The following SVIL variants were observed in gnomAD, a reference collection of about 807,000 sequenced individuals.
SVIL encodes the protein archvillin.
Under a neutral mutation model 240.4 loss-of-function variants are expected in SVIL, and 101 were observed. The observed-to-expected ratio is 0.42, with a 90% confidence interval of 0.36 to 0.50. The LOEUF (loss-of-function observed/expected upper bound fraction) is 0.50, where lower values mean the gene tolerates loss of function less well. Among genes scored for constraint, SVIL ranks in the 20% least tolerant of loss-of-function variants. The pLI, the probability that SVIL is intolerant of heterozygous loss-of-function variation, is 0.01. For missense variants in SVIL, 2,512 were observed against 2,818.7 expected, an observed-to-expected ratio of 0.89 and a Z score of 2.46; for synonymous variants, 999 against 1,100.0, an observed-to-expected ratio of 0.91 and a Z score of 1.82.
At chr10:29,619,155 T>G (rs977790490) in intron 1 of SVIL, among the ~76,000 whole-genome samples, 15 of 152,202 alleles carry the variant, frequency 9.9e-5, no homozygotes, top group African/African-American at 2.7e-4. Flanking sequence ...GAAGTCATTA[T>G]GCGCAAAAAA....
chr10:29,729,834 A>C (rs894899966), intron 1 of SVIL, among the ~76,000 whole-genome samples: 12 of 35,402 alleles, frequency 3.4e-4, no homozygotes, highest in African/African-American at 1.4e-3. Flanking sequence ...ACTCCATCTC[A>C]AAAAAAAAAA....
At chr10:29,508,946 G>T (rs1275637598) in intron 17 of SVIL, among the ~76,000 whole-genome samples, 2 of 152,234 alleles carry the variant, frequency 1.3e-5, no homozygotes. Context: ...CGAATAAACC[G>T]AAATAGGGAT....
At chr10:29,480,489 G>T (rs1946712321) in intron 29 of SVIL, 48 bp downstream of exon 29, 1 of 1,597,546 alleles carries the variant, frequency 6.3e-7, no homozygotes, top group Non-Finnish European at 8.5e-7. Flanking sequence ...CCGCAGGGCT[G>T]CCGGGCCAGC....
intron 1 of SVIL, among the ~76,000 whole-genome samples, chr10:29,690,067 T>C (rs1961386457): frequency 6.6e-6 from 1 of 152,206 alleles, no homozygotes; most frequent in Non-Finnish European, 1.5e-5. Flanking sequence ...CAGAGGAAAA[T>C]GACCAAGACC....
chr10:29,565,463 T>C (rs972784523), intron 2 of SVIL, among the ~76,000 whole-genome samples: 43 of 152,314 alleles, frequency 2.8e-4, no homozygotes, highest in African/African-American at 9.6e-4. Context: ...GTGGTTCACT[T>C]GACATGCTGT....
rs1334399654 is a variant in SVIL, at chr10:29,533,242, G to A, written c.1125C>T (p.His375=). The stretch of plus-strand genomic sequence containing the variant: ...TTTCTGGCGTCACTAGCTTGGCGGT[G>A]TGACCGGTATCTGCGGGTTGGACAT... ...RGYVQPADTG[H]TAKLVTPETP... Residue 375 remains histidine (H), a synonymous_variant, in exon 8 of 38, where the codon CAC becomes CAT. Coordinates refer to ENST00000355867, the MANE Select transcript of SVIL (RefSeq NM_021738.3). 7 of 1,614,140 alleles carry A rather than the reference G, an allele frequency of 4.3e-6. No individual in the cohort carries two copies. The highest frequency in any genetic ancestry group is 5.9e-6 in the Non-Finnish European group (7 of 1,180,030).
chr10:29,651,288 T>C lies in SVIL; in HGVS notation c.-201+6681A>G, dbSNP rs187115203. On this transcript the variant is annotated intron_variant, in intron 3 of 35. Transcript: ENST00000375400. ...AGCAGGTAAAGATCCAAGAGCAATT[T>C]TTCATCAGAATCTGGTGACAGCAAC... 3.0e-3 allele frequency among the ~76,000 whole-genome samples: 464 copies of C among 152,250 alleles called. 2 individuals are homozygous for C. The highest frequency in any genetic ancestry group is 0.012 in the South Asian group (57 of 4,828).
intron 1 of SVIL, among the ~76,000 whole-genome samples, chr10:29,620,187 A>T (rs1406572011): frequency 6.6e-6 from 1 of 152,204 alleles, no homozygotes; most frequent in Non-Finnish European, 1.5e-5. Flanking sequence ...TCAAACTTAC[A>T]GATATCCATA....
intron 6 of SVIL, among the ~76,000 whole-genome samples, chr10:29,546,947 T>C (rs1312729218): frequency 1.3e-5 from 2 of 152,180 alleles, no homozygotes; most frequent in Non-Finnish European, 1.5e-5. Context: ...GCATTAAACA[T>C]TATTCATGGG....
intron 1 of SVIL, among the ~76,000 whole-genome samples, chr10:29,723,524 C>T (rs913035401): frequency 3.9e-5 from 6 of 151,936 alleles, no homozygotes; most frequent in Admixed American, 3.9e-4. Context: ...ACTGTTTGTC[C>T]CACCAGACTA....
chr10:29,596,355 C>A (rs1956588505), intron 1 of SVIL, among the ~76,000 whole-genome samples: 1 of 152,142 alleles, frequency 6.6e-6, no homozygotes, highest in African/African-American at 2.4e-5. Flanking sequence ...CACCTACAGT[C>A]CCAGCTACTT....
At position 29,530,634 on chromosome 10, in the gene SVIL, G is replaced by A. The variant is rs772176779; in HGVS notation, c.2079C>T (p.Ser693=). 1.2e-5 allele frequency: 20 copies of A among 1,613,930 alleles called. No homozygotes were observed. Among genetic ancestry groups the A allele is most frequent in the African/African-American group, 1.1e-4 (8 of 74,880 alleles). The change falls in exon 11 of 38, where the codon AGC becomes AGT. Residue 693 remains serine, a synonymous_variant. Transcript: ENST00000355867. ...EEKVDERAKL[S]VAAKRLLFRE... ...TGAAAAGCAACCTCTTGGCGGCGAC[G>A]CTCAGCTTGGCTCGTTCATCCACCT...
chr10:29,516,262 C>T lies in SVIL; in HGVS notation c.3390-3401G>A, dbSNP rs977657431. ...TGGCAGGGTTACCATTGGGGACTTC[C>T]GAAGACTACAGAGTAACCAGAATAA... On this transcript the variant is annotated intron_variant, in intron 16 of 37. Coordinates refer to ENST00000355867, the MANE Select transcript of SVIL (RefSeq NM_021738.3). 6.8e-4 allele frequency among the ~76,000 whole-genome samples: 104 copies of T among 152,184 alleles called. 2 individuals are homozygous for T. The highest frequency in any genetic ancestry group is 7.7e-4 in the East Asian group (4 of 5,182).
rs1431366202 is a variant in SVIL, at chr10:29,642,442, AGAAAGAAAGAAAGAAAGAAAGAAAGACC to A, written c.-201+15499_-201+15526del. ...GAGAAAGAAAGAAAGAAAGAAAGAA[AGAAAGAAAGAAAGAAAGAAAGAAAGACC>A]GACCCCTAATCATACTTCAAGCCTT... On this transcript the variant is annotated intron_variant, in intron 3 of 35. Transcript: ENST00000375400. Among the ~76,000 whole-genome samples the A allele has an allele frequency of 3.7e-4, 47 of 125,376 alleles. 1 individual carries two copies. The highest frequency in any genetic ancestry group is 1.6e-3 in the African/African-American group (44 of 27,366). The allele number at this position is 125,376 out of a possible 152,430, so 82.3% of individuals were successfully genotyped here.
At chr10:29,722,967 C>T (rs936189325) in intron 1 of SVIL, among the ~76,000 whole-genome samples, 3 of 152,214 alleles carry the variant, frequency 2.0e-5, no homozygotes, top group Admixed American at 6.5e-5. Context: ...TGATGTTGCT[C>T]ATCTGTGAAA....
intron 17 of SVIL, among the ~76,000 whole-genome samples, chr10:29,500,192 T>C (rs949490949): frequency 5.9e-5 from 9 of 152,020 alleles, no homozygotes; most frequent in Admixed American, 5.2e-4. Context: ...GTGATGTGTA[T>C]TGGGGAGAAG....
upstream of SVIL, among the ~76,000 whole-genome samples, chr10:29,635,740 T>TA (rs1421611511): frequency 1.3e-5 from 2 of 152,202 alleles, no homozygotes; most frequent in Non-Finnish European, 2.9e-5. Flanking sequence ...ACAAAATACT[T>TA]ACAATTGTAG....
At chr10:29,580,271 C>G (rs1334877508) in intron 1 of SVIL, among the ~76,000 whole-genome samples, 1 of 152,060 alleles carries the variant, frequency 6.6e-6, no homozygotes, top group African/African-American at 2.4e-5. Flanking sequence ...GCGTTTGAAC[C>G]CTGGAGGCCA....
In SVIL at chr10:29,493,403, C is replaced by G; in HGVS notation, c.3842-12G>C. The G allele has an allele frequency of 6.2e-7, 1 of 1,613,780 alleles. No individual in the cohort carries two copies. The highest frequency in any genetic ancestry group is 8.5e-7 in the Non-Finnish European group (1 of 1,179,768). On this transcript the variant is annotated splice_polypyrimidine_tract_variant and intron_variant, in intron 20 of 37. Coordinates refer to ENST00000355867, the MANE Select transcript of SVIL (RefSeq NM_021738.3). ...GTGCATCCCGCCAACTATCAACAAA[C>G]AAGCAAAAGACATAAGAGTTTTATA...
Sources: gnomAD v4.1 joint callset for allele counts (sites outside exome capture counted in the v4.1 genomes callset) on GRCh38, gnomAD v4.1.1 for gene constraint, MANE v1.5 for transcripts, NCBI Gene and HGNC (gene_info 2026-07-23, HGNC 2026-07-21) for gene names.